Variants in CUBN observed in about 807,000 individuals in gnomAD.
CUBN encodes cubilin, also known as 460 kDa receptor.
In CUBN, 282 loss-of-function variants were observed where a neutral mutation model predicts 405.3. That is an observed-to-expected ratio of 0.70 (90% confidence interval 0.63 to 0.77). The LOEUF is 0.77. CUBN is among the 30% of genes least tolerant of loss of function. The pLI is 0.00. For synonymous variants in CUBN, 1,684 were observed against 1,617.0 expected (o/e 1.04, Z -0.99); for missense variants, 4,514 against 4,475.2 (o/e 1.01, Z -0.25).
At chr10:16,946,498 T>G (rs1009060044) in intron 36 of CUBN, among the ~76,000 whole-genome samples, 1 of 149,366 alleles carries the variant, frequency 6.7e-6, no homozygotes, top group Admixed American at 6.7e-5. Context: ...TCCTTTTTTT[T>G]TTTTTTTTTT....
chr10:17,033,685 T>C (rs1346140906), intron 27 of CUBN, among the ~76,000 whole-genome samples: 1 of 152,228 alleles, frequency 6.6e-6, no homozygotes, highest in Non-Finnish European at 1.5e-5. Flanking sequence ...GACAGTTATG[T>C]GGCTTCTGCA....
At chr10:16,834,961 T>C (rs1250851297) in intron 64 of CUBN, 53 bp downstream of exon 64, 1 of 1,523,216 alleles carries the variant, frequency 6.6e-7, no homozygotes, top group African/African-American at 1.4e-5. Flanking sequence ...AAATCTTAAG[T>C]GATCCACCAT....
At chr10:17,089,661 C>T (rs770984088) in intron 14 of CUBN, among the ~76,000 whole-genome samples, 7 of 152,134 alleles carry the variant, frequency 4.6e-5, no homozygotes, top group Non-Finnish European at 8.8e-5. Flanking sequence ...CAAGATGGTA[C>T]GATCACTACA....
intron 17 of CUBN, among the ~76,000 whole-genome samples, chr10:17,080,997 C>CT (rs1835953197): frequency 6.6e-6 from 1 of 151,994 alleles, no homozygotes; most frequent in African/African-American, 2.4e-5. Context: ...AGAAACTTCA[C>CT]TTAAGAGAGA....
intron 27 of CUBN, among the ~76,000 whole-genome samples, chr10:17,028,637 C>G (rs1834725857): frequency 6.6e-6 from 1 of 151,288 alleles, no homozygotes; most frequent in African/African-American, 2.4e-5. Context: ...AGGAGAATGA[C>G]TTGAATCTGG....
At chr10:16,891,839 G>C (rs1841017977) in intron 54 of CUBN, among the ~76,000 whole-genome samples, 1 of 152,142 alleles carries the variant, frequency 6.6e-6, no homozygotes. Context: ...GTCACACTCG[G>C]TGTGATGGGT....
rs1207387297 is a variant in CUBN at position 16,931,263 on chromosome 10, C to CA, written c.6124+1823dup. On this transcript the variant is annotated intron_variant, in intron 40 of 66. Coordinates refer to ENST00000377833, the MANE Select transcript of CUBN (RefSeq NM_001081.4). ...TGGACAAAAGAGTGAGACTCCGTCTCAAAAAAAAAAAAACATCAAATTTAG... is the reference window on the plus strand; with the variant it reads ...TGGACAAAAGAGTGAGACTCCGTCTCAAAAAAAAAAAAAACATCAAATTTAG... 8.7e-3 allele frequency among the ~76,000 whole-genome samples: 989 copies of CA among 113,630 alleles called. 8 individuals carry two copies. The highest frequency in any genetic ancestry group is 0.019 in the African/African-American group (549 of 29,494). 74.5% of individuals were successfully genotyped at this position (113,630 alleles called of 152,430 possible). A position where few individuals can be genotyped will look rare whatever the true frequency, so the allele number is the denominator to read the frequency against.
At chr10:16,998,374 G>A (rs867584435) in intron 28 of CUBN, among the ~76,000 whole-genome samples, 1 of 152,116 alleles carries the variant, frequency 6.6e-6, no homozygotes, top group Non-Finnish European at 1.5e-5. Context: ...GCAGAAATTG[G>A]AGTTATGCAT....
Position 16,869,867 on chromosome 10 carries a change from CTTG to C in CUBN, c.9237-17_9237-15del. 6.5e-7 allele frequency: 1 copy of C among 1,530,794 alleles called. No individual in the cohort carries two copies. The highest frequency in any genetic ancestry group is 9.1e-7 in the Non-Finnish European group (1 of 1,104,336). The allele number at this position is 1,530,794 out of a possible 1,614,324, so 94.8% of individuals were successfully genotyped here. A position where few individuals can be genotyped will look rare whatever the true frequency, so the allele number is the denominator to read the frequency against. ...AAATCACTGAACCTGTGAAATGTAC[CTTG>C]TTAATACTGATGTTTCCATTTGGAC... On this transcript the variant is annotated splice_polypyrimidine_tract_variant and intron_variant, in intron 58 of 66. Coordinates refer to ENST00000377833, the MANE Select transcript of CUBN (RefSeq NM_001081.4).
At chr10:17,034,124 C>T (rs550524257) in intron 27 of CUBN, among the ~76,000 whole-genome samples, 2 of 152,204 alleles carry the variant, frequency 1.3e-5, no homozygotes, top group South Asian at 2.1e-4. Context: ...GAGGGAAATG[C>T]CTTTGACTGA....
rs140160866 is a variant in CUBN at position 16,904,057 on chromosome 10, T to C, written c.7971A>G (p.Pro2657=). Residue 2657 remains proline, a synonymous_variant, in exon 51 of 67, where the codon CCA becomes CCG. Coordinates refer to ENST00000377833, the MANE Select transcript of CUBN (RefSeq NM_001081.4). ...ATACCTGAGAATAAGGTATAACCAA[T>C]GGCAATGTAGGCTTTGAAGGACCAC... ...RLCGPSKPTL[P]LVIPYSQVWI... The C allele has an allele frequency of 4.7e-5, 76 of 1,613,400 alleles. No homozygotes were observed. In the African/African-American group the frequency reaches 9.3e-4, roughly 20 times the overall value.
intron 59 of CUBN, among the ~76,000 whole-genome samples, chr10:16,857,570 A>C (rs1324080591): frequency 6.6e-6 from 1 of 152,248 alleles, no homozygotes; most frequent in Non-Finnish European, 1.5e-5. Flanking sequence ...TTTACTAAGC[A>C]AAATGACATG....
chr10:16,947,356 T>G lies in CUBN; in HGVS notation c.5221A>C (p.Thr1741Pro). Residue 1741 changes from threonine to proline, a missense_variant, in exon 36 of 67, where the codon ACG (threonine) becomes CCG (proline). Thr to Pro is a conservative substitution (Grantham distance 38). Around this residue, in one of 5 missense-constraint regions of CUBN, gnomAD observed 1,613 missense variants for 1,542.8 expected, o/e 1.05. Coordinates refer to ENST00000377833, the MANE Select transcript of CUBN (RefSeq NM_001081.4). ...VTASVSACGG[T>P]FYMAEGIFNS... is the part of the protein sequence containing the mutation. ...AAGATGCCTTCAGCCATGTAGAACG[T>G]TCCACCACAAGCTGGAAGAAAATAG... 6.2e-7 allele frequency: 1 copy of G among 1,614,056 alleles called. No individual in the cohort carries two copies. Among genetic ancestry groups the G allele is most frequent in the Middle Eastern group, 1.6e-4 (1 of 6,062 alleles).
At position 16,925,223 on chromosome 10, in the gene CUBN, C is replaced by A. The variant is rs377165411; in HGVS notation, c.6646+18G>T. The A allele has an allele frequency of 2.5e-4, 401 of 1,598,670 alleles. No individual in the cohort carries two copies. Among genetic ancestry groups the A allele is most frequent in the Non-Finnish European group, 3.3e-4 (390 of 1,166,404 alleles). On this transcript the variant is annotated intron_variant, in intron 43 of 66. Coordinates refer to ENST00000377833, the MANE Select transcript of CUBN (RefSeq NM_001081.4). ...AATTGCAGGAAAAGCAGATATAATTCTCAGTGAAAATACTTACCTAAACTC... is the reference window on the plus strand; with the variant it reads ...AATTGCAGGAAAAGCAGATATAATTATCAGTGAAAATACTTACCTAAACTC...
intron 14 of CUBN, among the ~76,000 whole-genome samples, chr10:17,089,690 C>A (rs1367053954): frequency 6.6e-6 from 1 of 152,084 alleles, no homozygotes; most frequent in Non-Finnish European, 1.5e-5. Context: ...TATAGCAATA[C>A]CTAGCAAAAA....
intron 6 of CUBN, among the ~76,000 whole-genome samples, chr10:17,121,675 AC>A (rs1348086144): frequency 1.3e-5 from 2 of 152,100 alleles, no homozygotes; most frequent in African/African-American, 4.8e-5. Context: ...GTGCACATGT[AC>A]CCTAAAACTT....
At chr10:17,036,858 C>T (rs1037115483) in intron 27 of CUBN, among the ~76,000 whole-genome samples, 1 of 152,324 alleles carries the variant, frequency 6.6e-6, no homozygotes, top group Admixed American at 6.5e-5. Flanking sequence ...AGGAACACTT[C>T]CCCATGATCC....
At chr10:16,831,100 T>G (rs957200638) in intron 65 of CUBN, 152 bp downstream of exon 65, 7 of 713,088 alleles carry the variant, frequency 9.8e-6, no homozygotes, top group African/African-American at 7.2e-5. Flanking sequence ...AAAAAAAAAG[T>G]AATCTGTACT....
At chr10:16,859,700 T>C (rs1238124371) in intron 59 of CUBN, among the ~76,000 whole-genome samples, 2 of 151,982 alleles carry the variant, frequency 1.3e-5, no homozygotes, top group African/African-American at 4.8e-5. Context: ...TACCAGAAGA[T>C]CTCCAATGAA....
Sources: gnomAD v4.1 joint callset for allele counts (sites outside exome capture counted in the v4.1 genomes callset) on GRCh38, gnomAD v4.1.1 for gene constraint, gnomAD v4.1.1 regional missense constraint, MANE v1.5 for transcripts, NCBI Gene and HGNC (gene_info 2026-07-23, HGNC 2026-07-21) for gene names.